TTC39B: variants seen among roughly 807,000 people sequenced by gnomAD.
TTC39B encodes tetratricopeptide repeat domain 39B, also known as tetratricopeptide repeat protein 39B.
In TTC39B, 92 loss-of-function variants were observed where a neutral mutation model predicts 96.6. That is an observed-to-expected ratio of 0.95 (90% CI 0.80 to 1.13). The LOEUF is 1.13. TTC39B is among the 50% of genes most tolerant of loss of function. TTC39B has a pLI of 0.00. For missense variants in TTC39B, 955 were observed against 809.3 expected, an observed-to-expected ratio of 1.18 and a Z score of -2.18; for synonymous variants, 367 against 299.4, an observed-to-expected ratio of 1.23 and a Z score of -2.33.
intron 19 of TTC39B, among the ~76,000 whole-genome samples, chr9:15,173,830 C>G (rs1453937923): frequency 1.3e-5 from 2 of 152,092 alleles, no homozygotes; most frequent in Non-Finnish European, 2.9e-5. Context: ...AATATGAGTA[C>G]CTAATAGCCA....
intron 6 of TTC39B, among the ~76,000 whole-genome samples, chr9:15,204,294 C>T (rs1408051657): frequency 1.3e-5 from 2 of 151,900 alleles, no homozygotes; most frequent in African/African-American, 4.8e-5. Context: ...TTTGGGAGGC[C>T]GAGGTGGGTG....
At chr9:15,212,145 T>C (rs1408245444) in intron 4 of TTC39B, among the ~76,000 whole-genome samples, 1 of 152,218 alleles carries the variant, frequency 6.6e-6, no homozygotes, top group Admixed American at 6.5e-5. Context: ...CATGGTTTTG[T>C]TTTTAATTTA....
intron 7 of TTC39B, 109 bp from the exon 8 acceptor site, chr9:15,200,034 A>G: frequency 1.7e-6 from 1 of 582,062 alleles, no homozygotes; most frequent in East Asian, 3.5e-5. Flanking sequence ...AAACAAAAAA[A>G]AGTATTTTGA....
intron 8 of TTC39B, among the ~76,000 whole-genome samples, chr9:15,197,953 T>G (rs1043555268): frequency 1.3e-5 from 2 of 151,928 alleles, no homozygotes; most frequent in African/African-American, 4.8e-5. Context: ...AAAACAGAAT[T>G]TGTTGAAAGC....
chr9:15,240,088 G>A (rs1293546372), intron 2 of TTC39B, among the ~76,000 whole-genome samples: 3 of 152,166 alleles, frequency 2.0e-5, no homozygotes, highest in African/African-American at 7.2e-5. Context: ...TGTTCTCATG[G>A]CCGATGATCA....
At chr9:15,277,689 C>T (rs1823598446) in intron 1 of TTC39B, among the ~76,000 whole-genome samples, 1 of 152,130 alleles carries the variant, frequency 6.6e-6, no homozygotes, top group Admixed American at 6.6e-5. Flanking sequence ...AGATACCATC[C>T]CTTATTCAAA....
chr9:15,274,831 T>C (rs901875329), intron 1 of TTC39B, among the ~76,000 whole-genome samples: 7 of 152,136 alleles, frequency 4.6e-5, no homozygotes, highest in African/African-American at 1.7e-4. Context: ...TTTTCAAACA[T>C]TTTTTCAGAA....
chr9:15,204,922 G>T (rs1819758423), intron 6 of TTC39B, among the ~76,000 whole-genome samples: 1 of 152,172 alleles, frequency 6.6e-6, no homozygotes, highest in African/African-American at 2.4e-5. Context: ...TACTTGCAGA[G>T]GATGGAGAGA....
At chr9:15,296,476 T>A (rs1587030101) in intron 1 of TTC39B, among the ~76,000 whole-genome samples, 1 of 152,318 alleles carries the variant, frequency 6.6e-6, no homozygotes, top group African/African-American at 2.4e-5. Context: ...AGGGTGCATG[T>A]GTGTCTCCAC....
intron 7 of TTC39B, 58 bp from the exon 8 acceptor site, chr9:15,199,983 C>T: frequency 1.0e-6 from 1 of 978,112 alleles, no homozygotes; most frequent in Non-Finnish European, 1.5e-6. Context: ...AAATTGTCCC[C>T]ACAGTTGTGT....
At position 15,249,754 on chromosome 9, in the gene TTC39B, T is replaced by A. The variant is rs529962225; in HGVS notation, c.275+18160A>T. 5.2e-5 allele frequency: 22 copies of A among 424,002 alleles called. 1 individual carries two copies. In the South Asian group the frequency reaches 7.8e-4, roughly 15 times the overall value. 26.3% of individuals were successfully genotyped at this position (424,002 alleles called of 1,614,324 possible). ...AAGCCAAGCAGGCTTGACATGAAGC[T>A]CTTAATGAAGACAATGTCATCTAAC... On this transcript the variant is annotated intron_variant, in intron 2 of 19. Coordinates refer to ENST00000512701, the Ensembl canonical transcript of TTC39B.
intron 16 of TTC39B, chr9:15,183,344 T>C (rs927568876): frequency 6.9e-6 from 3 of 434,172 alleles, no homozygotes; most frequent in Non-Finnish European, 1.4e-5. Flanking sequence ...ACAGAATCTT[T>C]TTTAAATTGA....
At chr9:15,200,179 G>T (rs1322941843) in intron 7 of TTC39B, among the ~76,000 whole-genome samples, 6 of 152,150 alleles carry the variant, frequency 3.9e-5, no homozygotes, top group African/African-American at 1.2e-4. Context: ...TACTAAGGAG[G>T]TAATCCTCAC....
At chr9:15,278,768 C>T (rs1391170548) in intron 1 of TTC39B, among the ~76,000 whole-genome samples, 1 of 152,212 alleles carries the variant, frequency 6.6e-6, no homozygotes, top group Non-Finnish European at 1.5e-5. Flanking sequence ...ATGTTGAATA[C>T]TCACGTGCTT....
At position 15,243,925 on chromosome 9, in the gene TTC39B, A is replaced by T. The variant is rs944281112; in HGVS notation, c.276-17913T>A. On this transcript the variant is annotated intron_variant, in intron 2 of 19. Transcript: ENST00000512701. ...ACATTTTCTTTTCATTTAAAAAAAA[A>T]TTTTAGAAAGAAAATGGAAGGTAGT... Among the ~76,000 whole-genome samples the T allele has an allele frequency of 4.6e-5, 7 of 152,304 alleles. No individual in the cohort carries two copies. In the East Asian group the frequency reaches 5.8e-4, roughly 13 times the overall value.
intron 2 of TTC39B, among the ~76,000 whole-genome samples, chr9:15,254,451 C>T (rs927408327): frequency 6.6e-6 from 1 of 151,960 alleles, no homozygotes; most frequent in Non-Finnish European, 1.5e-5. Context: ...TATGTATATA[C>T]TATGTTACGT....
At chr9:15,283,978 C>T (rs1003916275) in intron 1 of TTC39B, among the ~76,000 whole-genome samples, 4 of 152,036 alleles carry the variant, frequency 2.6e-5, no homozygotes, top group Non-Finnish European at 5.9e-5. Flanking sequence ...AAAGATTTTG[C>T]TACATAAAAA....
chr9:15,199,787 T>C (rs1427557184), intron 8 of TTC39B, 74 bp downstream of exon 8: 2 of 465,314 alleles, frequency 4.3e-6, no homozygotes, highest in African/African-American at 2.2e-5. Flanking sequence ...AAACTTAATT[T>C]AGGAGAACTG....
chr9:15,183,476 A>C (rs1224447475), intron 16 of TTC39B: 1 of 358,796 alleles, frequency 2.8e-6, no homozygotes, highest in African/African-American at 2.2e-5. Context: ...AAAAAAAAAA[A>C]AAAAATCCCA....
Sources: allele counts gnomAD v4.1 joint callset (sites outside exome capture counted in the v4.1 genomes callset), GRCh38; gene constraint gnomAD v4.1.1; transcripts MANE v1.5; gene names NCBI Gene and HGNC (gene_info 2026-07-23, HGNC 2026-07-21).